Variants in PARD3B observed in about 807,000 individuals in gnomAD.
PARD3B encodes par-3 family cell polarity regulator beta.
A neutral mutation model predicts 130.2 loss-of-function variants in PARD3B; 103 were observed. That is an observed-to-expected ratio of 0.79 (90% CI 0.67 to 0.93). The LOEUF (loss-of-function observed/expected upper bound fraction) is 0.93, where lower values mean the gene tolerates loss of function less well. PARD3B is among the 40% of genes least tolerant of loss of function. PARD3B has a pLI of 0.00. For missense variants in PARD3B, 1,609 were observed against 1,499.2 expected, an observed-to-expected ratio of 1.07 and a Z score of -1.21; for synonymous variants, 583 against 553.2, an observed-to-expected ratio of 1.05 and a Z score of -0.76.
At chr2:205,409,762 A>G (rs996803863) in intron 19 of PARD3B, among the ~76,000 whole-genome samples, 3 of 152,194 alleles carry the variant, frequency 2.0e-5, no homozygotes, top group African/African-American at 4.8e-5. Flanking sequence ...TAAAGAATTC[A>G]TGTACCCTGG....
chr2:205,067,088 T>C (rs1236380761), intron 4 of PARD3B, among the ~76,000 whole-genome samples: 5 of 135,380 alleles, frequency 3.7e-5, no homozygotes, highest in African/African-American at 8.1e-5. Flanking sequence ...CATCCACTTT[T>C]ACTAGGCTTT....
rs563579212 is a variant in PARD3B, at chr2:205,179,095, T to C, written c.1924+2518T>C. Reference sequence around the variant, plus strand: ...CTGACCCTATCTAGGCCTAGGCTAATGTGTGTTTGTGTCTCAGGTTTTACC... The same window carrying C: ...CTGACCCTATCTAGGCCTAGGCTAACGTGTGTTTGTGTCTCAGGTTTTACC... On this transcript the variant is annotated intron_variant, in intron 13 of 22. Transcript: ENST00000406610. Among the ~76,000 whole-genome samples, 40 of 152,238 alleles carry C rather than the reference T, an allele frequency of 2.6e-4. No homozygotes were observed. The South Asian group carries it at 4.8e-3, about 18-fold the overall frequency.
chr2:205,018,499 GT>G (rs1696330248), intron 3 of PARD3B, among the ~76,000 whole-genome samples: 1 of 151,932 alleles, frequency 6.6e-6, no homozygotes, highest in African/African-American at 2.4e-5. Flanking sequence ...TTGATGAAGT[GT>G]TTTCAGTTGA....
chr2:204,924,252 C>T (rs1397951405), intron 2 of PARD3B, among the ~76,000 whole-genome samples: 1 of 152,002 alleles, frequency 6.6e-6, no homozygotes, highest in African/African-American at 2.4e-5. Flanking sequence ...ACTAAAACAT[C>T]ATGGCTTTCA....
chr2:204,765,603 A>G (rs753045668), intron 2 of PARD3B, among the ~76,000 whole-genome samples: 3 of 152,228 alleles, frequency 2.0e-5, no homozygotes, highest in Non-Finnish European at 2.9e-5. Context: ...TCAAAACAGC[A>G]TATTTTGGTT....
intron 15 of PARD3B, among the ~76,000 whole-genome samples, chr2:205,208,797 G>A (rs1292602667): frequency 3.4e-4 from 49 of 144,764 alleles, no homozygotes; most frequent in South Asian, 1.5e-3. Context: ...ATACTGCCCA[G>A]GGTAATTTAC....
chr2:205,546,489 T>C (rs973449598), intron 21 of PARD3B, among the ~76,000 whole-genome samples: 2 of 152,104 alleles, frequency 1.3e-5, no homozygotes, highest in Admixed American at 1.3e-4. Context: ...GCTGACCTTA[T>C]TTTTTTGTGA....
In PARD3B at chr2:204,933,819, T is replaced by C. The variant is rs77576686; in HGVS notation, c.223-31333T>C. 3.5e-3 allele frequency among the ~76,000 whole-genome samples: 540 copies of C among 152,320 alleles called. 4 individuals are homozygous for C. The highest frequency in any genetic ancestry group is 0.013 in the African/African-American group (520 of 41,580). On this transcript the variant is annotated intron_variant, in intron 2 of 22. Coordinates refer to ENST00000406610, the MANE Select transcript of PARD3B (RefSeq NM_001302769.2). Reference sequence around the variant, plus strand: ...CTCTCTAATTTATTTCCTAAAATGATAAGTGTCAAAAATGACATAGATTGT... The same window carrying C: ...CTCTCTAATTTATTTCCTAAAATGACAAGTGTCAAAAATGACATAGATTGT...
intron 3 of PARD3B, among the ~76,000 whole-genome samples, chr2:204,991,154 C>A (rs2125241692): frequency 6.6e-6 from 1 of 151,734 alleles, no homozygotes; most frequent in African/African-American, 2.4e-5. Context: ...TATACATGTG[C>A]CATGCTGGTG....
chr2:205,260,283 G>A (rs185874058), intron 16 of PARD3B, among the ~76,000 whole-genome samples: 4 of 152,116 alleles, frequency 2.6e-5, no homozygotes, highest in Admixed American at 2.6e-4. Context: ...GGCATATGAG[G>A]TCCTATGTGG....
intron 16 of PARD3B, among the ~76,000 whole-genome samples, chr2:205,246,463 A>T (rs551337492): frequency 6.6e-6 from 1 of 152,062 alleles, no homozygotes; most frequent in South Asian, 2.1e-4. Context: ...TCCTTCCTCC[A>T]TCATCATTTA....
At chr2:205,156,178 C>T (rs1173236207) in intron 10 of PARD3B, among the ~76,000 whole-genome samples, 6 of 147,844 alleles carry the variant, frequency 4.1e-5, no homozygotes, top group South Asian at 4.3e-4. Flanking sequence ...AACCAAACAC[C>T]ACATGTTCTC....
rs13387699 is a variant in PARD3B at position 204,615,335 on chromosome 2, T to C, written c.120+69216T>C. On this transcript the variant is annotated intron_variant, in intron 1 of 22. Transcript: ENST00000406610. ...TCCTATTCTGTCACATTAAAATCCA[T>C]TTGTCTGTCTTGTCCTTTGAATGCC... Among the ~76,000 whole-genome samples, 1,337 of 152,310 alleles carry C rather than the reference T, an allele frequency of 8.8e-3. 19 individuals are homozygous for C. Among genetic ancestry groups the C allele is most frequent in the African/African-American group, 0.031 (1,281 of 41,570 alleles).
In PARD3B at chr2:205,158,947, C is replaced by T. The variant is rs755579755; in HGVS notation, c.1620+40C>T. 2.5e-6 allele frequency: 4 copies of T among 1,599,262 alleles called. No individual in the cohort carries two copies. The highest frequency in any genetic ancestry group is 2.2e-5 in the South Asian group (2 of 90,426). ...CATTTGTACATCCTTTGAGAAGGCA[C>T]TTGGAGATGTGACTGTTGTACTTAG... On this transcript the variant is annotated intron_variant, in intron 11 of 22. Coordinates refer to ENST00000406610, the MANE Select transcript of PARD3B (RefSeq NM_001302769.2). This position sits in a 1 kb window ranked among gnomAD's most constrained non-coding sequence, Gnocchi z 5.4.
chr2:205,086,677 A>G (rs1187880703), intron 4 of PARD3B, among the ~76,000 whole-genome samples: 1 of 152,226 alleles, frequency 6.6e-6, no homozygotes, highest in African/African-American at 2.4e-5. Flanking sequence ...GGCACTCCTG[A>G]AAGAATGGAG....
chr2:204,697,480 C>T (rs1162885672), intron 2 of PARD3B, among the ~76,000 whole-genome samples: 1 of 152,122 alleles, frequency 6.6e-6, no homozygotes, highest in Non-Finnish European at 1.5e-5. Context: ...CTCAATGAAG[C>T]ACATGCTGCT....
At chr2:204,831,254 A>G (rs1001719493) in intron 2 of PARD3B, among the ~76,000 whole-genome samples, 3 of 152,356 alleles carry the variant, frequency 2.0e-5, no homozygotes, top group African/African-American at 7.2e-5. Context: ...TTTTAGCTGC[A>G]TTGCTGAGAT....
intron 1 of PARD3B, among the ~76,000 whole-genome samples, chr2:204,573,369 A>G (rs2032096662): frequency 6.6e-6 from 1 of 152,184 alleles, no homozygotes; most frequent in African/African-American, 2.4e-5. Context: ...ACCAGTATGT[A>G]TGCGTGACCT....
At chr2:204,898,313 C>T (rs752199059) in intron 2 of PARD3B, among the ~76,000 whole-genome samples, 2 of 151,038 alleles carry the variant, frequency 1.3e-5, no homozygotes, top group Non-Finnish European at 2.9e-5. Context: ...ACATACAATC[C>T]AATAGTAGTT....
Sources: allele counts gnomAD v4.1 joint callset (sites outside exome capture counted in the v4.1 genomes callset), GRCh38; gene constraint gnomAD v4.1.1; non-coding constraint Gnocchi (gnomAD v3.1); transcripts MANE v1.5; gene names NCBI Gene and HGNC (gene_info 2026-07-23, HGNC 2026-07-21).